Variants in PDE4DIP observed in about 807,000 individuals in gnomAD.
PDE4DIP encodes phosphodiesterase 4D interacting protein, also known as myomegalin.
Under a neutral mutation model 221.4 loss-of-function variants are expected in PDE4DIP, and 59 were observed. That is an observed-to-expected ratio of 0.27 (90% CI 0.22 to 0.33). PDE4DIP has a LOEUF of 0.33. Ranked by LOEUF, PDE4DIP falls within the 10% of genes least tolerant of loss-of-function variation. The pLI is 1.00. For missense variants in PDE4DIP, 1,036 were observed against 2,154.2 expected, an observed-to-expected ratio of 0.48 and a Z score of 10.28; for synonymous variants, 404 against 815.9, an observed-to-expected ratio of 0.50 and a Z score of 8.60.
Position 149,023,744 on chromosome 1 carries a change from A to G in PDE4DIP, c.6086-701A>G, listed in dbSNP as rs62635825. On this transcript the variant is annotated intron_variant, in intron 37 of 43. Transcript: ENST00000369354. Reference sequence around the variant, plus strand: ...TGTGCACATATATATGTACATGTATATGTGTGCACATATATATGTACATGT... The same window carrying G: ...TGTGCACATATATATGTACATGTATGTGTGTGCACATATATATGTACATGT... Among the ~76,000 whole-genome samples the G allele has an allele frequency of 3.9e-4, 26 of 67,110 alleles. 3 individuals are homozygous for G. The highest frequency in any genetic ancestry group is 9.4e-4 in the African/African-American group (17 of 18,176). The allele number at this position is 67,110 out of a possible 152,430, so 44.0% of individuals were successfully genotyped here.
intron 31 of PDE4DIP, 83 bp downstream of exon 34, chr1:149,010,678 G>GTCCA: frequency 7.4e-7 from 1 of 1,344,456 alleles, no homozygotes; most frequent in Admixed American, 1.8e-5. Context: ...CAGAGGTTTG[G>GTCCA]ACTGTTAGGG....
intron 5 of PDE4DIP, among the ~76,000 whole-genome samples, chr1:148,956,343 A>T (rs1473970497): frequency 2.0e-5 from 3 of 152,016 alleles, no homozygotes; most frequent in Non-Finnish European, 4.4e-5. Context: ...TATTGACATC[A>T]GGATTCCTCC....
intron 14 of PDE4DIP, among the ~76,000 whole-genome samples, chr1:148,970,394 G>T (rs1161763905): frequency 8.6e-5 from 13 of 151,788 alleles, no homozygotes; most frequent in African/African-American, 3.2e-4. Flanking sequence ...TGGGACAATT[G>T]GTCTTTATTA....
chr1:148,985,241 T>C (rs2061715881), intron 21 of PDE4DIP: 1 of 152,110 alleles, frequency 6.6e-6, no homozygotes, highest in African/African-American at 2.4e-5. Flanking sequence ...GTAGAAAGAA[T>C]AGCTGGAAAT....
chr1:149,030,337 C>T (rs1367671415), intron 43 of PDE4DIP, 59 bp downstream of exon 46: 133 of 1,551,232 alleles, frequency 8.6e-5, no homozygotes, highest in Admixed American at 9.7e-5. Context: ...CATCACCATC[C>T]GTTAGCAGAT....
rs1472257358 is a variant in PDE4DIP, at chr1:149,030,149, A to C, written c.6953-83A>C. 3.9e-5 allele frequency: 46 copies of C among 1,177,664 alleles called. 1 individual carries two copies. The highest frequency in any genetic ancestry group is 5.4e-5 in the Non-Finnish European group (44 of 816,786). 73.0% of individuals were successfully genotyped at this position (1,177,664 alleles called of 1,614,324 possible). ...AAGCTGAATAGCCAGAAAGAAATAA[A>C]TGCTTTAGAATTCTCATGCTAAGCA... On this transcript the variant is annotated intron_variant, in intron 42 of 43. Transcript: ENST00000369354.
chr1:148,954,128 A>G (rs1322857991), intron 5 of PDE4DIP, among the ~76,000 whole-genome samples: 6 of 152,110 alleles, frequency 3.9e-5, no homozygotes, highest in Non-Finnish European at 8.8e-5. Context: ...TGACTTTCCC[A>G]TTATCAAAAT....
chr1:148,949,173 A>T (rs1553485714), intron 5 of PDE4DIP, among the ~76,000 whole-genome samples: 1 of 152,014 alleles, frequency 6.6e-6, no homozygotes, highest in Admixed American at 6.6e-5. Flanking sequence ...CTTTTTATAT[A>T]TTTAAGTACA....
rs1418901966 is a variant in PDE4DIP, at chr1:148,988,164, AT to A, written c.2816-3719del. 3.3e-5 allele frequency among the ~76,000 whole-genome samples: 5 copies of A among 152,262 alleles called. No homozygotes were observed. In the South Asian group the frequency reaches 6.2e-4, roughly 19 times the overall value. ...AGTGCAGGTAGAATCAGTCAAGATC[AT>A]TCAGATAGTAACATCAAGTATAAAA... On this transcript the variant is annotated intron_variant, in intron 21 of 43. Coordinates refer to ENST00000369354, the Ensembl canonical transcript of PDE4DIP.
chr1:148,821,084 C>G (rs1352592137), intron 1 of PDE4DIP, among the ~76,000 whole-genome samples: 2 of 149,662 alleles, frequency 1.3e-5, no homozygotes, highest in African/African-American at 5.0e-5. Flanking sequence ...ATCTCCTGAC[C>G]TCGTGATCCG....
intron 1 of PDE4DIP, among the ~76,000 whole-genome samples, chr1:148,820,855 T>G (rs587701466): frequency 7.3e-6 from 1 of 137,484 alleles, no homozygotes; most frequent in African/African-American, 2.7e-5. Context: ...ATTTATTTAT[T>G]TATTTATTTA....
chr1:148,952,405 CG>C (rs1392672436), intron 5 of PDE4DIP: 1 of 1,084,482 alleles, frequency 9.2e-7, no homozygotes, highest in Non-Finnish European at 1.1e-6. Context: ...TGCGTCTGCG[CG>C]GCCGGCCGCT....
intron 37 of PDE4DIP, 26 bp from the exon 41 acceptor site, chr1:149,024,419 A>G (rs1553624289): frequency 7.6e-6 from 12 of 1,574,852 alleles, no homozygotes; most frequent in Middle Eastern, 1.9e-4. Context: ...ACTTGGGTCA[A>G]TGTTACCAGA....
chr1:148,937,347 C>A (rs374825039), intron 4 of PDE4DIP, among the ~76,000 whole-genome samples: 3,217 of 152,258 alleles, frequency 0.021, 108 homozygotes, highest in African/African-American at 0.074. Flanking sequence ...GCGATTGTTT[C>A]TTTTCCAACT....
In PDE4DIP at chr1:149,009,527, G is replaced by A. The variant is rs782172345; in HGVS notation, c.4704-41G>A. The A allele has an allele frequency of 2.9e-6, 4 of 1,395,292 alleles. No homozygotes were observed. In the African/African-American group the frequency reaches 5.6e-5, roughly 20 times the overall value. The allele number at this position is 1,395,292 out of a possible 1,614,324, so 86.4% of individuals were successfully genotyped here. ...CCATAGTCAGGACAGGTTGGCTTCG[G>A]TGACCTTGGTTTTACCCGTTGTCCC... On this transcript the variant is annotated intron_variant, in intron 29 of 43. Transcript: ENST00000369354.
chr1:148,858,332 C>T (rs1682411783), intron 1 of PDE4DIP, among the ~76,000 whole-genome samples: 1 of 76,984 alleles, frequency 1.3e-5, no homozygotes, highest in Non-Finnish European at 2.4e-5. Context: ...AATGAAGGCC[C>T]AGGTTTTCGC....
At chr1:148,926,971 G>C (rs1553466159) in intron 1 of PDE4DIP, among the ~76,000 whole-genome samples, 1 of 147,150 alleles carries the variant, frequency 6.8e-6, no homozygotes, top group Admixed American at 6.8e-5. Flanking sequence ...TAATCTTTTG[G>C]TATTTGTATT....
intron 1 of PDE4DIP, among the ~76,000 whole-genome samples, chr1:148,821,102 C>T (rs868906621): frequency 1.4e-4 from 21 of 149,472 alleles, no homozygotes; most frequent in South Asian, 1.1e-3. Flanking sequence ...CCGCCCGCCT[C>T]GGCCTCCCAA....
intron 21 of PDE4DIP, chr1:148,983,779 CT>C (rs1479196103): frequency 1.3e-5 from 2 of 152,386 alleles, no homozygotes; most frequent in African/African-American, 2.4e-5. Context: ...CTTATAGAAC[CT>C]GTGCTTGAGT....
Sources: allele counts gnomAD v4.1 joint callset (sites outside exome capture counted in the v4.1 genomes callset), GRCh38; gene constraint gnomAD v4.1.1; transcripts MANE v1.5; gene names NCBI Gene and HGNC (gene_info 2026-07-23, HGNC 2026-07-21).